The following SAMD12 variants were observed in gnomAD, a reference collection of about 807,000 sequenced individuals.
SAMD12 encodes sterile alpha motif domain containing 12.
Under a neutral mutation model 15.0 loss-of-function variants are expected in SAMD12, and 9 were observed. That is an observed-to-expected ratio of 0.60 (90% CI 0.36 to 1.05). The LOEUF (loss-of-function observed/expected upper bound fraction) is 1.05, where lower values mean the gene tolerates loss of function less well. Ranked by LOEUF, SAMD12 falls within the 50% of genes least tolerant of loss-of-function variation. The pLI is 0.01. For missense variants in SAMD12, 230 were observed against 234.2 expected, an observed-to-expected ratio of 0.98 and a Z score of 0.12; for synonymous variants, 86 against 90.1, an observed-to-expected ratio of 0.96 and a Z score of 0.25.
At chr8:118,167,293 T>C in the SAMD12 span, among the ~76,000 whole-genome samples, 42 of 152,090 alleles carry the variant, frequency 2.8e-4, 1 homozygote, top group South Asian at 8.8e-3. Flanking sequence ...CACCATGGCC[T>C]GCTCCACCAC....
intron 2 of SAMD12, among the ~76,000 whole-genome samples, chr8:118,455,623 T>C (rs986297071): frequency 6.6e-6 from 1 of 152,186 alleles, no homozygotes; most frequent in Non-Finnish European, 1.5e-5. Flanking sequence ...ATATCTCTCT[T>C]TAATTCCCTC....
chr8:118,486,077 C>G (rs1300148452), intron 2 of SAMD12, among the ~76,000 whole-genome samples: 1 of 152,098 alleles, frequency 6.6e-6, no homozygotes, highest in Non-Finnish European at 1.5e-5. Flanking sequence ...TTAAGGACCT[C>G]AAGATGAAGA....
intron 4 of SAMD12, among the ~76,000 whole-genome samples, chr8:118,198,276 T>G (rs925522291): frequency 2.2e-4 from 34 of 152,190 alleles, no homozygotes; most frequent in African/African-American, 8.0e-4. Context: ...ATAGAGAAAG[T>G]CATTAAAATC....
At position 118,278,553 on chromosome 8, in the gene SAMD12, C is replaced by T. The variant is rs1586413434; in HGVS notation, c.434-80821G>A. ...GTTTTCACTGGTCATTGACTAGCTG[C>T]TGCTGTTAAGTACAGATTGGTCAGT... On this transcript the variant is annotated intron_variant, in intron 4 of 4. Coordinates refer to the SAMD12 transcript ENST00000409003. Among the ~76,000 whole-genome samples, 6 of 152,302 alleles carry T rather than the reference C, an allele frequency of 3.9e-5. No individual in the cohort carries two copies. In the South Asian group the frequency reaches 1.0e-3, roughly 26 times the overall value.
Position 118,194,113 on chromosome 8 carries a change from G to A in SAMD12, c.*3597C>T, listed in dbSNP as rs565261402. The A allele has an allele frequency of 7.2e-5, 11 of 152,298 alleles. No homozygotes were observed. The South Asian group carries it at 2.3e-3, about 32-fold the overall frequency. 9.4% of individuals were successfully genotyped at this position (152,298 alleles called of 1,614,324 possible). On this transcript the variant is annotated 3_prime_UTR_variant, in exon 5 of 5. Transcript: ENST00000409003. Reference sequence around the variant, plus strand: ...TTGCAGACAAAGAAAGCATTTGCAAGTAACAAGGGGGATCCATTAGAGGTT... The same window carrying A: ...TTGCAGACAAAGAAAGCATTTGCAAATAACAAGGGGGATCCATTAGAGGTT...
At position 118,379,646 on chromosome 8, in the gene SAMD12, T is replaced by C; in HGVS notation, c.377A>G (p.Gln126Arg). 1.2e-6 allele frequency: 2 copies of C among 1,613,908 alleles called. No individual in the cohort carries two copies. ...DKKLERMGIA[Q>R]ENLRQHILQQ... ...TAAGATGTGCTGCCGGAGGTTCTCC[T>C]GGGCAATCCCCATTCGCTCGAGCTT... The change falls in exon 4 of 4, where the codon CAG becomes CGG. Residue 126 changes from glutamine (Q) to arginine (R), a missense_variant. By Grantham distance (43) the Gln-to-Arg change is conservative. Coordinates refer to ENST00000314727, the MANE Select transcript of SAMD12 (RefSeq NM_207506.3).
At chr8:118,270,284 A>G (rs559074925) in intron 4 of SAMD12, among the ~76,000 whole-genome samples, 4 of 152,330 alleles carry the variant, frequency 2.6e-5, no homozygotes, top group Non-Finnish European at 2.9e-5. Context: ...GGAAGAGTAG[A>G]CTAGCTATAT....
chr8:118,469,759 C>T lies in SAMD12; in HGVS notation c.193-29798G>A, dbSNP rs144515057. Among the ~76,000 whole-genome samples, 1,239 of 149,262 alleles carry T rather than the reference C, an allele frequency of 8.3e-3. 14 individuals carry two copies. Among genetic ancestry groups the T allele is most frequent in the African/African-American group, 0.029 (1,158 of 40,516 alleles). On this transcript the variant is annotated intron_variant, in intron 2 of 3. Transcript: ENST00000314727. ...TGTATTTTTAGTAGAGACAGGGCTT[C>T]GCCATGTTGGCCAGACTGGACTCAA...
At chr8:118,145,486 G>C in the SAMD12 span, among the ~76,000 whole-genome samples, 1 of 152,190 alleles carries the variant, frequency 6.6e-6, no homozygotes, top group Non-Finnish European at 1.5e-5. Flanking sequence ...AGATCCTACT[G>C]TGTGTTGTTC....
chr8:118,346,886 T>G (rs1817689604), intron 4 of SAMD12, among the ~76,000 whole-genome samples: 1 of 152,172 alleles, frequency 6.6e-6, no homozygotes, highest in African/African-American at 2.4e-5. Flanking sequence ...GGCAAGCTCA[T>G]CAGAGACTCA....
At chr8:118,184,995 TA>T (rs1356794755), downstream of SAMD12, among the ~76,000 whole-genome samples, 1 of 151,898 alleles carries the variant, frequency 6.6e-6, no homozygotes, top group Non-Finnish European at 1.5e-5. Flanking sequence ...GCTTAACCAA[TA>T]AAAAAATCAA....
intron 4 of SAMD12, among the ~76,000 whole-genome samples, chr8:118,334,960 A>G (rs1816987516): frequency 6.6e-6 from 1 of 151,832 alleles, no homozygotes; most frequent in Non-Finnish European, 1.5e-5. Context: ...TTATTCTAAC[A>G]TTTTCTCAGC....
intron 4 of SAMD12, among the ~76,000 whole-genome samples, chr8:118,325,968 C>T (rs777997020): frequency 5.9e-5 from 9 of 152,176 alleles, no homozygotes; most frequent in East Asian, 1.9e-4. Context: ...ATTTTGCCAG[C>T]GCTCTGCTGA....
At chr8:118,322,185 C>T (rs1175227803) in intron 4 of SAMD12, among the ~76,000 whole-genome samples, 1 of 152,168 alleles carries the variant, frequency 6.6e-6, no homozygotes, top group Non-Finnish European at 1.5e-5. Flanking sequence ...CTCAGAAATG[C>T]CTTCTCAGAG....
chr8:118,536,447 C>G (rs13261971), intron 2 of SAMD12, among the ~76,000 whole-genome samples: 2,242 of 140,728 alleles, frequency 0.016, 73 homozygotes, highest in African/African-American at 0.051. Context: ...TACACAAACA[C>G]ACACACACAC....
At chr8:118,208,295 T>G (rs1021724175) in intron 4 of SAMD12, among the ~76,000 whole-genome samples, 1 of 152,174 alleles carries the variant, frequency 6.6e-6, no homozygotes, top group Non-Finnish European at 1.5e-5. Context: ...AAAAAAGTAT[T>G]AATGAATAAT....
At chr8:118,590,609 G>A (rs1827564700) in intron 1 of SAMD12, among the ~76,000 whole-genome samples, 1 of 152,238 alleles carries the variant, frequency 6.6e-6, no homozygotes, top group Non-Finnish European at 1.5e-5. Flanking sequence ...ACTCTACCTG[G>A]CAGTAAGTAA....
intron 4 of SAMD12, among the ~76,000 whole-genome samples, chr8:118,232,595 A>C (rs1812339128): frequency 6.6e-6 from 1 of 152,018 alleles, no homozygotes; most frequent in Non-Finnish European, 1.5e-5. Context: ...AGCAGAGTTA[A>C]CACCTTCCCA....
intron 1 of SAMD12, among the ~76,000 whole-genome samples, chr8:118,601,978 T>G (rs1444028906): frequency 6.6e-6 from 1 of 152,176 alleles, no homozygotes; most frequent in East Asian, 1.9e-4. Flanking sequence ...GACTGTATGC[T>G]TAAATCAAGA....
Sources: allele counts gnomAD v4.1 joint callset (sites outside exome capture counted in the v4.1 genomes callset), GRCh38; gene constraint gnomAD v4.1.1; transcripts MANE v1.5; gene names NCBI Gene and HGNC (gene_info 2026-07-23, HGNC 2026-07-21).